The following SLC39A11 variants were observed in gnomAD, a reference collection of about 807,000 sequenced individuals.
SLC39A11 encodes the protein solute carrier family 39 member 11.
In SLC39A11, 33 loss-of-function variants were observed where a neutral mutation model predicts 36.1. That is an observed-to-expected ratio of 0.91 (90% CI 0.69 to 1.22). The LOEUF (loss-of-function observed/expected upper bound fraction) is 1.22. SLC39A11 is among the 50% of genes most tolerant of loss of function. The pLI is 0.00. For synonymous variants in SLC39A11, 166 were observed against 170.3 expected (o/e 0.97, Z 0.20); for missense variants, 432 against 430.3 (o/e 1.00, Z -0.03).
intron 5 of SLC39A11, among the ~76,000 whole-genome samples, chr17:72,900,165 G>GA (rs754738475): frequency 2.2e-5 from 2 of 90,294 alleles, no homozygotes; most frequent in Non-Finnish European, 5.2e-5. Flanking sequence ...AAGAAAGAAA[G>GA]AAAGAAAGAA....
intron 7 of SLC39A11, 53 bp from the exon 8 acceptor site, chr17:72,649,321 C>A (rs2069735906): frequency 6.5e-7 from 1 of 1,532,714 alleles, no homozygotes; most frequent in Non-Finnish European, 8.9e-7. Context: ...GGTGCTCACA[C>A]AATGGGAGTC....
At chr17:73,010,776 G>A (rs780320186) in intron 4 of SLC39A11, among the ~76,000 whole-genome samples, 8 of 152,104 alleles carry the variant, frequency 5.3e-5, no homozygotes, top group Non-Finnish European at 1.2e-4. Flanking sequence ...TGTCTCCTGC[G>A]TGTTTAATTA....
At chr17:72,963,314 G>C (rs1162279195) in intron 4 of SLC39A11, among the ~76,000 whole-genome samples, 1 of 151,758 alleles carries the variant, frequency 6.6e-6, no homozygotes, top group African/African-American at 2.4e-5. Context: ...GGGACTACAG[G>C]CGCCCGCCAC....
chr17:72,777,853 GTATGTATGTATGTATA>G (rs747982030), intron 6 of SLC39A11, among the ~76,000 whole-genome samples: 142 of 144,054 alleles, frequency 9.9e-4, no homozygotes, highest in African/African-American at 2.4e-3. Context: ...CTGTGTGTAT[GTATGTATGTATGTATA>G]TATGTATGTA....
At chr17:72,783,080 A>G (rs971477637) in intron 6 of SLC39A11, among the ~76,000 whole-genome samples, 1 of 151,518 alleles carries the variant, frequency 6.6e-6, no homozygotes, top group African/African-American at 2.4e-5. Context: ...TTCTCACCAG[A>G]AAGCAGATGA....
chr17:72,835,701 T>A lies in SLC39A11; in HGVS notation c.601+13933A>T, dbSNP rs576882688. ...GTCTTGAACTCCTGAGTTCAAGTGATCTGCATGCCTCGGCCTCCCAACGAT... is the reference window on the plus strand; with the variant it reads ...GTCTTGAACTCCTGAGTTCAAGTGAACTGCATGCCTCGGCCTCCCAACGAT... On this transcript the variant is annotated intron_variant, in intron 6 of 9. Transcript: ENST00000255559. Among the ~76,000 whole-genome samples the A allele has an allele frequency of 4.6e-5, 7 of 152,332 alleles. No homozygotes were observed. In the East Asian group the frequency reaches 7.7e-4, roughly 17 times the overall value.
chr17:72,975,393 T>G (rs534758141), intron 4 of SLC39A11, among the ~76,000 whole-genome samples: 2 of 152,244 alleles, frequency 1.3e-5, no homozygotes, highest in African/African-American at 4.8e-5. Context: ...GAGCCGAGAT[T>G]GTGCCATTGC....
chr17:73,045,374 T>C (rs1345834599), intron 3 of SLC39A11, among the ~76,000 whole-genome samples: 7 of 67,802 alleles, frequency 1.0e-4, no homozygotes, highest in African/African-American at 3.0e-4. Context: ...TCCAGTGCCA[T>C]GAAAACAGAG....
intron 6 of SLC39A11, among the ~76,000 whole-genome samples, chr17:72,743,304 A>C (rs1175081561): frequency 6.6e-6 from 1 of 152,122 alleles, no homozygotes; most frequent in Non-Finnish European, 1.5e-5. Context: ...ACATGGCCCC[A>C]TGGGTAGTGA....
chr17:72,900,134 GAAAGA>G lies in SLC39A11; in HGVS notation c.430+47613_430+47617del, dbSNP rs1261431206. 1.2e-3 allele frequency among the ~76,000 whole-genome samples: 97 copies of G among 83,366 alleles called. 13 individuals carry two copies. The highest frequency in any genetic ancestry group is 6.4e-3 in the African/African-American group (81 of 12,706). 54.7% of individuals were successfully genotyped at this position (83,366 alleles called of 152,430 possible). The stretch of plus-strand genomic sequence containing the variant: ...AAAAGAAAGAAAGAAAAGAAAGAAA[GAAAGA>G]AAAAGAAAGAAAGAAAAGAAAGAAA... On this transcript the variant is annotated intron_variant, in intron 5 of 9. Transcript: ENST00000255559.
intron 5 of SLC39A11, among the ~76,000 whole-genome samples, chr17:72,916,937 C>T (rs1354475329): frequency 1.4e-4 from 22 of 152,136 alleles, no homozygotes; most frequent in Admixed American, 1.4e-3. Flanking sequence ...GACTGTGATG[C>T]AATTCATACA....
chr17:72,718,184 A>C (rs890823482), intron 7 of SLC39A11, among the ~76,000 whole-genome samples: 1 of 152,174 alleles, frequency 6.6e-6, no homozygotes, highest in South Asian at 2.1e-4. Flanking sequence ...GCAGCAGCTC[A>C]TGCCTGTAAT....
intron 7 of SLC39A11, among the ~76,000 whole-genome samples, chr17:72,670,442 G>T (rs1418681289): frequency 3.3e-5 from 5 of 151,784 alleles, no homozygotes; most frequent in African/African-American, 1.2e-4. Context: ...CTCATTGGTG[G>T]ATCTTGCCTA....
intron 5 of SLC39A11, among the ~76,000 whole-genome samples, chr17:72,891,161 C>T (rs2081721877): frequency 6.6e-6 from 1 of 152,102 alleles, no homozygotes; most frequent in Non-Finnish European, 1.5e-5. Context: ...TGGGCTCACA[C>T]CTGTAATCCC....
chr17:72,898,244 C>T (rs2082129335), intron 5 of SLC39A11, among the ~76,000 whole-genome samples: 1 of 152,120 alleles, frequency 6.6e-6, no homozygotes, highest in Admixed American at 6.5e-5. Context: ...TTTCAACTGG[C>T]CGCCCCCAAA....
At chr17:72,797,330 C>T (rs2076930327) in intron 6 of SLC39A11, among the ~76,000 whole-genome samples, 1 of 152,000 alleles carries the variant, frequency 6.6e-6, no homozygotes, top group Non-Finnish European at 1.5e-5. Context: ...GGCTCAGTGT[C>T]CACATCTGTG....
chr17:72,825,689 G>A (rs1340353640), intron 6 of SLC39A11, among the ~76,000 whole-genome samples: 1 of 152,264 alleles, frequency 6.6e-6, no homozygotes, highest in Admixed American at 6.5e-5. Flanking sequence ...AAGGCCCTGG[G>A]ATTCCACCCC....
intron 3 of SLC39A11, among the ~76,000 whole-genome samples, chr17:73,069,583 T>G (rs2060098934): frequency 6.6e-6 from 1 of 152,228 alleles, no homozygotes; most frequent in Admixed American, 6.5e-5. Context: ...TCTTCTCCCC[T>G]TTTATGAGCA....
intron 4 of SLC39A11, among the ~76,000 whole-genome samples, chr17:72,971,129 G>C (rs2148044944): frequency 6.6e-6 from 1 of 152,294 alleles, no homozygotes; most frequent in Middle Eastern, 3.4e-3. Context: ...GACCATACGA[G>C]TGACCCAGAA....
Sources: gnomAD v4.1 joint callset for allele counts (sites outside exome capture counted in the v4.1 genomes callset) on GRCh38, gnomAD v4.1.1 for gene constraint, MANE v1.5 for transcripts, NCBI Gene and HGNC (gene_info 2026-07-23, HGNC 2026-07-21) for gene names.